Variants in RAB3C observed in about 807,000 individuals in gnomAD.
RAB3C encodes the protein ras-related protein Rab-3C.
A neutral mutation model predicts 26.4 loss-of-function variants in RAB3C; 17 were observed. The observed-to-expected ratio is 0.64, with a 90% CI of 0.44 to 0.97. The LOEUF (loss-of-function observed/expected upper bound fraction) is 0.97, where lower values mean the gene tolerates loss of function less well. RAB3C is among the 50% of genes least tolerant of loss of function. The pLI is 0.00. For missense variants in RAB3C, 242 were observed against 281.9 expected (o/e 0.86, Z 1.01); for synonymous variants, 91 against 95.9 (o/e 0.95, Z 0.30).
intron 3 of RAB3C, among the ~76,000 whole-genome samples, chr5:58,787,844 G>C (rs770465468): frequency 3.2e-4 from 49 of 152,330 alleles, no homozygotes; most frequent in Non-Finnish European, 1.2e-4. Flanking sequence ...AGTGCTGTTA[G>C]ATTCTCAGCT....
At chr5:58,749,160 T>A (rs1398235975) in intron 3 of RAB3C, among the ~76,000 whole-genome samples, 1 of 151,834 alleles carries the variant, frequency 6.6e-6, no homozygotes, top group Admixed American at 6.6e-5. Context: ...AATTGTACTT[T>A]GCACCTATTC....
At chr5:58,738,680 G>C (rs1198410119) in intron 3 of RAB3C, among the ~76,000 whole-genome samples, 1 of 152,098 alleles carries the variant, frequency 6.6e-6, no homozygotes, top group Non-Finnish European at 1.5e-5. Context: ...AGGCTATATA[G>C]GGAATTTGAA....
intron 3 of RAB3C, among the ~76,000 whole-genome samples, chr5:58,812,236 AG>A (rs914982118): frequency 3.3e-4 from 50 of 152,244 alleles, no homozygotes; most frequent in African/African-American, 1.2e-3. Flanking sequence ...ACACAGCCCA[AG>A]GTCATAAAAG....
chr5:58,857,510 G>A lies in RAB3C; in HGVS notation c.*6159G>A, dbSNP rs2112098210. ...TACCTAAGAAAAACTATGTGCATTA[G>A]GAAAAGTCATGTTTTTCTTCTCAGA... On this transcript the variant is annotated 3_prime_UTR_variant, in exon 5 of 5. Coordinates refer to ENST00000282878, the MANE Select transcript of RAB3C (RefSeq NM_138453.4). 1 of 152,080 alleles carries A rather than the reference G, an allele frequency of 6.6e-6. No individual in the cohort carries two copies. Among genetic ancestry groups the A allele is most frequent in the East Asian group, 1.9e-4 (1 of 5,196 alleles). 9.4% of individuals were successfully genotyped at this position (152,080 alleles called of 1,614,324 possible).
intron 3 of RAB3C, among the ~76,000 whole-genome samples, chr5:58,748,042 T>A (rs976662600): frequency 6.6e-6 from 1 of 152,136 alleles, no homozygotes; most frequent in Non-Finnish European, 1.5e-5. Context: ...GTAATAATAA[T>A]AACAAAATGT....
chr5:58,658,963 C>T (rs142815283), intron 2 of RAB3C, among the ~76,000 whole-genome samples: 57 of 152,196 alleles, frequency 3.7e-4, no homozygotes, highest in African/African-American at 1.3e-3. Flanking sequence ...GTCGCAAGTC[C>T]AGCCCAAATT....
chr5:58,816,461 C>G (rs1195357228), intron 3 of RAB3C, among the ~76,000 whole-genome samples: 14 of 152,116 alleles, frequency 9.2e-5, no homozygotes, highest in Admixed American at 9.2e-4. Flanking sequence ...CATATTTTAC[C>G]TTCCCTGACA....
intron 2 of RAB3C, among the ~76,000 whole-genome samples, chr5:58,697,313 T>C (rs953309985): frequency 4.6e-5 from 7 of 152,228 alleles, no homozygotes; most frequent in Non-Finnish European, 8.8e-5. Flanking sequence ...TCCAGTCTTT[T>C]ACAATTGCTG....
intron 2 of RAB3C, among the ~76,000 whole-genome samples, chr5:58,705,198 T>C (rs1748919790): frequency 6.6e-6 from 1 of 152,206 alleles, no homozygotes; most frequent in African/African-American, 2.4e-5. Flanking sequence ...GCTTTCAACA[T>C]ACTTTTAGAA....
At chr5:58,808,051 C>T (rs926502067) in intron 3 of RAB3C, among the ~76,000 whole-genome samples, 2 of 151,582 alleles carry the variant, frequency 1.3e-5, no homozygotes, top group South Asian at 4.2e-4. Context: ...CAGTGAAACC[C>T]CATCTCTACT....
At chr5:58,777,024 C>T (rs1254195376) in intron 3 of RAB3C, among the ~76,000 whole-genome samples, 8 of 152,156 alleles carry the variant, frequency 5.3e-5, no homozygotes, top group Admixed American at 6.6e-5. Context: ...TTGGACACTA[C>T]TAGGATTCTC....
chr5:58,641,998 TCTC>T lies in RAB3C; in HGVS notation c.252+24132_252+24134del, dbSNP rs1253101992. The stretch of plus-strand genomic sequence containing the variant: ...TAACATAACTCCCTTGTGCCTCAGT[TCTC>T]CTCTAGAAAATAAGGACAATAGTAG... On this transcript the variant is annotated intron_variant, in intron 2 of 4. Coordinates refer to ENST00000282878, the MANE Select transcript of RAB3C (RefSeq NM_138453.4). Among the ~76,000 whole-genome samples, 4 of 152,262 alleles carry T rather than the reference TCTC, an allele frequency of 2.6e-5. No homozygotes were observed. In the East Asian group the frequency reaches 7.7e-4, roughly 29 times the overall value.
At chr5:58,843,047 T>G (rs1415632564) in intron 4 of RAB3C, among the ~76,000 whole-genome samples, 2 of 152,328 alleles carry the variant, frequency 1.3e-5, no homozygotes, top group African/African-American at 2.4e-5. Context: ...GTTTACCAAG[T>G]GTGTGACTCA....
intron 3 of RAB3C, among the ~76,000 whole-genome samples, chr5:58,765,398 TTCTC>T (rs1341600154): frequency 6.6e-6 from 1 of 152,202 alleles, no homozygotes; most frequent in Non-Finnish European, 1.5e-5. Flanking sequence ...TATCTTTCTT[TTCTC>T]TATTTAATTC....
At chr5:58,748,922 A>G (rs989113561) in intron 3 of RAB3C, among the ~76,000 whole-genome samples, 2 of 152,130 alleles carry the variant, frequency 1.3e-5, no homozygotes, top group Non-Finnish European at 2.9e-5. Context: ...TAAGAAGTGA[A>G]TTTGCTTTCT....
At chr5:58,782,487 A>G (rs12518157) in intron 3 of RAB3C, among the ~76,000 whole-genome samples, 73,842 of 151,958 alleles carry the variant, frequency 0.49, 19,123 homozygotes, top group South Asian at 0.63. Context: ...TATGCCCACC[A>G]TTATATATAT....
At chr5:58,606,945 ACAGATGGGGAGAAAC>A (rs1480438381) in intron 1 of RAB3C, among the ~76,000 whole-genome samples, 8 of 152,208 alleles carry the variant, frequency 5.3e-5, no homozygotes. Flanking sequence ...AGATAAAACC[ACAGATGGGGAGAAAC>A]CAGAGCAGAA....
At chr5:58,822,672 CAG>C (rs1337923568) in intron 3 of RAB3C, 7 of 412,394 alleles carry the variant, frequency 1.7e-5, no homozygotes, top group Non-Finnish European at 3.3e-5. Context: ...GTGTAACAAA[CAG>C]AGATATGATT....
chr5:58,714,890 T>C (rs922407850), intron 2 of RAB3C, among the ~76,000 whole-genome samples: 2 of 151,924 alleles, frequency 1.3e-5, no homozygotes, highest in Non-Finnish European at 2.9e-5. Context: ...ATAGTAAATA[T>C]ACAAATAAAT....
Sources: allele counts gnomAD v4.1 joint callset (sites outside exome capture counted in the v4.1 genomes callset), GRCh38; gene constraint gnomAD v4.1.1; transcripts MANE v1.5; gene names NCBI Gene and HGNC (gene_info 2026-07-23, HGNC 2026-07-21).